The following DNAJC15 variants were observed in gnomAD, a reference collection of about 807,000 sequenced individuals.
The protein encoded by DNAJC15 is dnaJ homolog subfamily C member 15.
In DNAJC15, 27 loss-of-function variants were observed where a neutral mutation model predicts 22.4. The ratio of observed to expected loss-of-function variants is 1.20; its 90% CI spans 0.89 to 1.66. The LOEUF (loss-of-function observed/expected upper bound fraction) is 1.66, where lower values mean the gene tolerates loss of function less well. Among genes scored for constraint, DNAJC15 ranks in the 40% most tolerant of loss-of-function variants. The pLI, the probability that DNAJC15 is intolerant of heterozygous loss-of-function variation, is 0.00. For synonymous variants in DNAJC15, 79 were observed against 63.2 expected, an observed-to-expected ratio of 1.25 and a Z score of -1.19; for missense variants, 208 against 187.1, an observed-to-expected ratio of 1.11 and a Z score of -0.65.
At chr13:43,060,173 G>A (rs2040551647) in intron 1 of DNAJC15, among the ~76,000 whole-genome samples, 1 of 152,104 alleles carries the variant, frequency 6.6e-6, no homozygotes, top group African/African-American at 2.4e-5. Flanking sequence ...AAATTTTGGG[G>A]GTGGTATGGA....
At chr13:43,079,522 T>A (rs1294893346) in intron 4 of DNAJC15, among the ~76,000 whole-genome samples, 1 of 152,146 alleles carries the variant, frequency 6.6e-6, no homozygotes, top group African/African-American at 2.4e-5. Context: ...CATCTCTTCT[T>A]AGATGAGATC....
At chr13:43,090,681 G>A (rs1174832415) in intron 5 of DNAJC15, among the ~76,000 whole-genome samples, 4 of 150,626 alleles carry the variant, frequency 2.7e-5, no homozygotes, top group African/African-American at 9.7e-5. Flanking sequence ...CTTTCTGAAC[G>A]TTTGTGTAAG....
intron 5 of DNAJC15, 127 bp downstream of exon 5, chr13:43,085,965 T>C (rs1359740057): frequency 1.3e-6 from 1 of 785,236 alleles, no homozygotes; most frequent in Non-Finnish European, 2.0e-6. Flanking sequence ...GTGATTTTTT[T>C]CTCATAAATG....
intron 5 of DNAJC15, 71 bp downstream of exon 5, chr13:43,085,909 A>G (rs1566213932): frequency 8.6e-6 from 11 of 1,278,632 alleles, no homozygotes. Context: ...GATTAAAGTC[A>G]TATATGATAT....
At chr13:43,049,293 C>A (rs1246060073) in intron 1 of DNAJC15, among the ~76,000 whole-genome samples, 1 of 152,140 alleles carries the variant, frequency 6.6e-6, no homozygotes, top group African/African-American at 2.4e-5. Context: ...CTGTTACTGG[C>A]AGTTTAGTTT....
At position 43,052,318 on chromosome 13, in the gene DNAJC15, T is replaced by C. The variant is rs1398392960; in HGVS notation, c.109-13368T>C. Among the ~76,000 whole-genome samples the C allele has an allele frequency of 2.0e-5, 3 of 152,286 alleles. No homozygotes were observed. In the East Asian group the frequency reaches 5.8e-4, roughly 29 times the overall value. On this transcript the variant is annotated intron_variant, in intron 1 of 5. Transcript: ENST00000379221. ...TTGCTGGAGTAAGGTGGTATGGCATTATGGGTTTGATTTGCATTTCCCTGA... is the reference window on the plus strand; with the variant it reads ...TTGCTGGAGTAAGGTGGTATGGCATCATGGGTTTGATTTGCATTTCCCTGA...
In DNAJC15 at chr13:43,111,434, A is replaced by G. The variant is rs954197160; in HGVS notation, c.*4186A>G. On this transcript the variant is annotated 3_prime_UTR_variant, in exon 6 of 6. Coordinates refer to ENST00000379221, the MANE Select transcript of DNAJC15 (RefSeq NM_013238.3). ...TCACCCAGCAGCATCATTAGAAATA[A>G]TATATTTTATTCATGTGCAGAAATC... 1 of 152,314 alleles carries G rather than the reference A, an allele frequency of 6.6e-6. No individual in the cohort carries two copies. The highest frequency in any genetic ancestry group is 6.5e-5 in the Admixed American group (1 of 15,300). The allele number at this position is 152,314 out of a possible 1,614,324, so 9.4% of individuals were successfully genotyped here.
chr13:43,090,219 C>G (rs1270955276), intron 5 of DNAJC15, among the ~76,000 whole-genome samples: 1 of 152,180 alleles, frequency 6.6e-6, no homozygotes, highest in Admixed American at 6.5e-5. Context: ...GATAAATTAC[C>G]TGATTGGCTT....
rs971389800 is a variant in DNAJC15 at position 43,108,953 on chromosome 13, T to G, written c.*1705T>G. ...TCTCATGCTTTAGTGTTTTCACTTT[T>G]CTCCTGTTATCCTTGTACCTAAGAA... On this transcript the variant is annotated 3_prime_UTR_variant, in exon 6 of 6. Transcript: ENST00000379221. 4.6e-5 allele frequency: 7 copies of G among 152,340 alleles called. No homozygotes were observed. The highest frequency in any genetic ancestry group is 6.5e-5 in the Admixed American group (1 of 15,294). The allele number at this position is 152,340 out of a possible 1,614,324, so 9.4% of individuals were successfully genotyped here. A position where few individuals can be genotyped will look rare whatever the true frequency, so the allele number is the denominator to read the frequency against.
chr13:43,098,020 A>G (rs570063524), intron 5 of DNAJC15, among the ~76,000 whole-genome samples: 1 of 152,270 alleles, frequency 6.6e-6, no homozygotes, highest in African/African-American at 2.4e-5. Flanking sequence ...AAAAATGAGG[A>G]AAGATCACTC....
intron 5 of DNAJC15, among the ~76,000 whole-genome samples, chr13:43,089,602 G>T (rs59695696): frequency 6.6e-6 from 1 of 152,108 alleles, no homozygotes; most frequent in South Asian, 2.1e-4. Flanking sequence ...GAATGTAATA[G>T]GCAAATGGAA....
At chr13:43,036,949 C>T (rs1346217348) in intron 1 of DNAJC15, among the ~76,000 whole-genome samples, 1 of 152,232 alleles carries the variant, frequency 6.6e-6, no homozygotes, top group Non-Finnish European at 1.5e-5. Flanking sequence ...CATTTCTAAG[C>T]CTGTAGGGGC....
intron 3 of DNAJC15, among the ~76,000 whole-genome samples, chr13:43,073,873 T>C (rs1020349425): frequency 5.3e-5 from 8 of 151,838 alleles, no homozygotes; most frequent in Non-Finnish European, 1.0e-4. Flanking sequence ...GTTTTTTTTT[T>C]AAATTAATGT....
intron 5 of DNAJC15, among the ~76,000 whole-genome samples, chr13:43,086,568 A>T (rs1401273953): frequency 2.0e-5 from 3 of 152,236 alleles, no homozygotes; most frequent in Non-Finnish European, 4.4e-5. Context: ...ATTCCTCTCC[A>T]TCCTAACCAG....
intron 2 of DNAJC15, among the ~76,000 whole-genome samples, chr13:43,066,377 C>T (rs938850642): frequency 1.3e-5 from 2 of 152,088 alleles, no homozygotes; most frequent in African/African-American, 4.8e-5. Context: ...ACCCTTCCTC[C>T]ATTTTCAAAG....
intron 1 of DNAJC15, among the ~76,000 whole-genome samples, chr13:43,045,999 A>G (rs2040475527): frequency 6.6e-6 from 1 of 152,244 alleles, no homozygotes; most frequent in Non-Finnish European, 1.5e-5. Context: ...CTGAGTATTT[A>G]TTGAATTAAT....
intron 2 of DNAJC15, among the ~76,000 whole-genome samples, chr13:43,067,125 C>A (rs1344935029): frequency 6.6e-6 from 1 of 152,144 alleles, no homozygotes; most frequent in Admixed American, 6.5e-5. Context: ...TTAGGCAGAG[C>A]TGCATTCCAT....
intron 1 of DNAJC15, among the ~76,000 whole-genome samples, chr13:43,054,243 T>G (rs1593315761): frequency 6.6e-6 from 1 of 152,348 alleles, no homozygotes; most frequent in East Asian, 1.9e-4. Flanking sequence ...GCATCCCTGG[T>G]ATGAAACCCT....
intron 5 of DNAJC15, among the ~76,000 whole-genome samples, chr13:43,090,168 T>C (rs1244218651): frequency 6.6e-6 from 1 of 152,228 alleles, no homozygotes; most frequent in Non-Finnish European, 1.5e-5. Context: ...CTTAACAGCA[T>C]AAGCAGCAAG....
Sources: gnomAD v4.1 joint callset for allele counts (sites outside exome capture counted in the v4.1 genomes callset) on GRCh38, gnomAD v4.1.1 for gene constraint, MANE v1.5 for transcripts, NCBI Gene and HGNC (gene_info 2026-07-23, HGNC 2026-07-21) for gene names.